WDPCP: variants seen among roughly 807,000 people sequenced by gnomAD.
The protein encoded by WDPCP is WD repeat containing planar cell polarity effector.
A neutral mutation model predicts 93.1 loss-of-function variants in WDPCP; 71 were observed. The ratio of observed to expected loss-of-function variants is 0.76; its 90% CI spans 0.63 to 0.93. The LOEUF is 0.93. WDPCP is among the 40% of genes least tolerant of loss of function. The probability of loss-of-function intolerance (pLI) is 0.00; values close to 1 mark genes in which losing one functional copy is unlikely to be tolerated. For synonymous variants in WDPCP, 315 were observed against 315.0 expected (o/e 1.00, Z 0.00); for missense variants, 844 against 887.4 (o/e 0.95, Z 0.62).
intron 2 of WDPCP, among the ~76,000 whole-genome samples, chr2:63,737,096 A>G (rs1324441602): frequency 6.6e-6 from 1 of 152,172 alleles, no homozygotes; most frequent in Non-Finnish European, 1.5e-5. Context: ...CTCCCAAAAC[A>G]GTTCTCTTGG....
At chr2:63,800,809 T>C (rs1465532216) in intron 2 of WDPCP, among the ~76,000 whole-genome samples, 2 of 152,096 alleles carry the variant, frequency 1.3e-5, no homozygotes, top group Non-Finnish European at 2.9e-5. Context: ...TCCAAGCACT[T>C]TGGGAGGGCT....
intron 1 of WDPCP, among the ~76,000 whole-genome samples, chr2:63,556,029 G>C (rs1450883911): frequency 6.6e-6 from 1 of 152,158 alleles, no homozygotes; most frequent in East Asian, 1.9e-4. Context: ...GCTTCAGAAG[G>C]TAAGTAATAA....
intron 3 of WDPCP, chr2:63,594,164 C>G (rs1709257207): frequency 4.1e-6 from 2 of 482,818 alleles, no homozygotes; most frequent in East Asian, 5.4e-5. Context: ...TTGTGTGGCT[C>G]TAGTGGCTGC....
At chr2:63,313,574 G>A (rs1325502130) in intron 12 of WDPCP, among the ~76,000 whole-genome samples, 1 of 151,990 alleles carries the variant, frequency 6.6e-6, no homozygotes, top group African/African-American at 2.4e-5. Flanking sequence ...TGCTGACTAT[G>A]ATAGCTTAGA....
intron 17 of WDPCP, among the ~76,000 whole-genome samples, chr2:63,149,475 G>C (rs1362108562): frequency 6.6e-6 from 1 of 152,164 alleles, no homozygotes; most frequent in African/African-American, 2.4e-5. Context: ...TAAAATTAAA[G>C]ATGTGTATTG....
chr2:63,588,129 C>T, intron 1 of WDPCP, 68 bp downstream of exon 1: 1 of 1,525,058 alleles, frequency 6.6e-7, no homozygotes, highest in South Asian at 1.2e-5. Flanking sequence ...CAAAGCGGGA[C>T]GGCGCACCAA....
At chr2:63,696,000 G>T (rs1668955673) in intron 2 of WDPCP, among the ~76,000 whole-genome samples, 1 of 152,176 alleles carries the variant, frequency 6.6e-6, no homozygotes, top group African/African-American at 2.4e-5. Context: ...GATGGTTGAG[G>T]TTGGGGGACA....
At chr2:63,520,584 A>G (rs919519644) in intron 1 of WDPCP, among the ~76,000 whole-genome samples, 1 of 152,168 alleles carries the variant, frequency 6.6e-6, no homozygotes, top group African/African-American at 2.4e-5. Flanking sequence ...TGCCTACATT[A>G]AGCATTTTTT....
chr2:63,509,862 C>A (rs992772235), intron 1 of WDPCP, among the ~76,000 whole-genome samples: 17 of 151,854 alleles, frequency 1.1e-4, no homozygotes, highest in African/African-American at 3.4e-4. Context: ...ACACATATAC[C>A]CTCCCAAGAC....
chr2:63,319,774 G>T (rs1686947019), intron 12 of WDPCP, among the ~76,000 whole-genome samples: 1 of 152,138 alleles, frequency 6.6e-6, no homozygotes, highest in African/African-American at 2.4e-5. Flanking sequence ...GCCTGGCCCA[G>T]AGAACTTTAA....
At chr2:63,625,578 A>G (rs1193310630) in intron 3 of WDPCP, among the ~76,000 whole-genome samples, 1 of 152,234 alleles carries the variant, frequency 6.6e-6, no homozygotes, top group Non-Finnish European at 1.5e-5. Context: ...CCCATTCACA[A>G]TTGCCACAAA....
At chr2:63,661,879 G>T (rs1345352080) in intron 2 of WDPCP, among the ~76,000 whole-genome samples, 1 of 152,194 alleles carries the variant, frequency 6.6e-6, no homozygotes. Context: ...TCAGTAAGGG[G>T]AGCTTCCAGG....
At chr2:63,564,954 T>A (rs1449688411) in intron 1 of WDPCP, among the ~76,000 whole-genome samples, 1 of 152,114 alleles carries the variant, frequency 6.6e-6, no homozygotes, top group Non-Finnish European at 1.5e-5. Context: ...ATTTTTTGTA[T>A]TTTTAGTAGA....
chr2:63,372,235 T>C (rs1466155946), intron 12 of WDPCP, among the ~76,000 whole-genome samples: 1 of 152,138 alleles, frequency 6.6e-6, no homozygotes, highest in African/African-American at 2.4e-5. Context: ...GTGCTGTCCT[T>C]GTAAACTCAC....
chr2:63,723,700 C>T (rs944748392), intron 2 of WDPCP, among the ~76,000 whole-genome samples: 1 of 152,206 alleles, frequency 6.6e-6, no homozygotes, highest in African/African-American at 2.4e-5. Flanking sequence ...TCTGGCCCCA[C>T]CCAATGCTGG....
At chr2:63,835,198 C>A in the WDPCP span, among the ~76,000 whole-genome samples, 1 of 151,442 alleles carries the variant, frequency 6.6e-6, no homozygotes, top group African/African-American at 2.4e-5. Flanking sequence ...ACCAGCCTGG[C>A]CAACATGGTG....
chr2:63,761,700 G>C (rs973406453), intron 2 of WDPCP, among the ~76,000 whole-genome samples: 4 of 152,068 alleles, frequency 2.6e-5, no homozygotes, highest in African/African-American at 9.7e-5. Flanking sequence ...TTCTAGCTAT[G>C]CTGGCAGCTG....
intron 12 of WDPCP, among the ~76,000 whole-genome samples, chr2:63,328,988 A>C (rs912162066): frequency 3.3e-5 from 5 of 152,124 alleles, no homozygotes; most frequent in African/African-American, 1.2e-4. Flanking sequence ...TGGCCTCCCA[A>C]AGTGCTACAG....
At chr2:63,227,570 C>T (rs1273555760) in intron 14 of WDPCP, among the ~76,000 whole-genome samples, 1 of 151,944 alleles carries the variant, frequency 6.6e-6, no homozygotes, top group East Asian at 1.9e-4. Flanking sequence ...TGGGAAATGG[C>T]AGTGGACTTA....
Sources: gnomAD v4.1 joint callset for allele counts (sites outside exome capture counted in the v4.1 genomes callset) on GRCh38, gnomAD v4.1.1 for gene constraint, MANE v1.5 for transcripts, NCBI Gene and HGNC (gene_info 2026-07-23, HGNC 2026-07-21) for gene names.